The following KAT14 variants were observed in gnomAD, a reference collection of about 807,000 sequenced individuals.
KAT14 encodes the protein lysine acetyltransferase 14.
Under a neutral mutation model 78.4 loss-of-function variants are expected in KAT14, and 66 were observed. The observed-to-expected ratio is 0.84, with a 90% confidence interval of 0.69 to 1.03. The LOEUF is 1.03. Among genes scored for constraint, KAT14 ranks in the 50% least tolerant of loss-of-function variants. KAT14 has a pLI of 0.00. For synonymous variants in KAT14, 344 were observed against 359.4 expected (o/e 0.96, Z 0.48); for missense variants, 870 against 972.5 (o/e 0.89, Z 1.40).
At chr20:18,141,152 TGG>T (rs1317766908) in intron 1 of KAT14, among the ~76,000 whole-genome samples, 1 of 150,954 alleles carries the variant, frequency 6.6e-6, no homozygotes, top group Non-Finnish European at 1.5e-5. Flanking sequence ...ACAGGAGTGC[TGG>T]GATTACAGGA....
chr20:18,167,450 T>C (rs2038680557), intron 7 of KAT14, among the ~76,000 whole-genome samples: 1 of 152,222 alleles, frequency 6.6e-6, no homozygotes, highest in Admixed American at 6.5e-5. Context: ...TAGTATAAAT[T>C]TTAATGTATT....
At chr20:18,183,032 C>G in intron 8 of KAT14, 91 bp from the exon 9 acceptor site, 4 of 1,486,734 alleles carry the variant, frequency 2.7e-6, no homozygotes, top group Non-Finnish European at 3.6e-6. Flanking sequence ...AAGTTTCAAG[C>G]AGATCAAAGA....
rs551960597 is a variant in KAT14, at chr20:18,176,313, A to AC, written c.1669-5397_1669-5396insC. On this transcript the variant is annotated intron_variant, in intron 7 of 10. Coordinates refer to ENST00000688188, the MANE Select transcript of KAT14 (RefSeq NM_001392073.1). ...GAGACTTCGTCTCAAAAAAAAAAAA[A>AC]AAAAAAGTGCCAAGCGCTATTCTAG... 8.1e-3 allele frequency among the ~76,000 whole-genome samples: 1,223 copies of AC among 151,688 alleles called. 15 individuals are homozygous for AC. Among genetic ancestry groups the AC allele is most frequent in the Middle Eastern group, 0.017 (5 of 292 alleles).
At chr20:18,172,187 C>T (rs1198554279) in intron 7 of KAT14, among the ~76,000 whole-genome samples, 2 of 151,646 alleles carry the variant, frequency 1.3e-5, no homozygotes, top group Non-Finnish European at 2.9e-5. Flanking sequence ...CTGCAGCCTC[C>T]ACCTCCTGGG....
intron 1 of KAT14, among the ~76,000 whole-genome samples, chr20:18,141,051 T>TTGTTTTTTTTTTTTTTG (rs58888387): frequency 9.1e-6 from 1 of 109,704 alleles, no homozygotes; most frequent in African/African-American, 3.6e-5. Context: ...TTTTTTATTT[T>TTGTTTTTTTTTTTTTTG]TATTTTTGCT....
chr20:18,145,716 G>A (rs1387755906), intron 3 of KAT14, among the ~76,000 whole-genome samples: 1 of 151,958 alleles, frequency 6.6e-6, no homozygotes, highest in Admixed American at 6.6e-5. Context: ...GGGAGGCGGA[G>A]GCTGCAGTGA....
At position 18,187,541 on chromosome 20, in the gene KAT14, C is replaced by CA; in HGVS notation, c.*83dup. 1 of 1,587,032 alleles carries CA rather than the reference C, an allele frequency of 6.3e-7. No homozygotes were observed. Among genetic ancestry groups the CA allele is most frequent in the Non-Finnish European group, 8.5e-7 (1 of 1,170,110 alleles). On this transcript the variant is annotated 3_prime_UTR_variant, in exon 11 of 11. Transcript: ENST00000688188. ...GATCTAAAGGCAGTGATTGATTTCA[C>CA]AGGGAGCTCTAATCTCTGTGATTAC...
intron 8 of KAT14, among the ~76,000 whole-genome samples, chr20:18,182,908 G>C (rs1483308050): frequency 6.6e-6 from 1 of 152,166 alleles, no homozygotes; most frequent in South Asian, 2.1e-4. Flanking sequence ...CACAGTCCCT[G>C]GTGGGTACAG....
chr20:18,162,613 C>A lies in KAT14; in HGVS notation c.1336C>A (p.Pro446Thr). 4 of 1,614,142 alleles carry A rather than the reference C, an allele frequency of 2.5e-6. No homozygotes were observed. The South Asian group carries it at 4.4e-5, about 18-fold the overall frequency. Reference sequence around the variant, plus strand: ...AACAAGGGCTAGAGAAAAGAGGAAGCCTCAGCTGGAGAAGGACACAAAGCC... The same window carrying A: ...AACAAGGGCTAGAGAAAAGAGGAAGACTCAGCTGGAGAAGGACACAAAGCC... ...LQTRAREKRK[P>T]QLEKDTKPKE... The change falls in exon 7 of 11, where the codon CCT (proline) becomes ACT (threonine). Residue 446 changes from proline to threonine, a missense_variant. Pro to Thr is a conservative substitution (Grantham distance 38). Transcript: ENST00000688188.
intron 1 of KAT14, 106 bp downstream of exon 1, chr20:18,138,157 C>T: frequency 8.2e-6 from 11 of 1,336,710 alleles, no homozygotes; most frequent in Non-Finnish European, 9.6e-6. Flanking sequence ...TCGTGTCTTT[C>T]CCCCGCGGTG....
intron 10 of KAT14, among the ~76,000 whole-genome samples, chr20:18,186,490 G>GGAGT (rs1434768714): frequency 6.6e-6 from 1 of 152,200 alleles, no homozygotes; most frequent in Non-Finnish European, 1.5e-5. Flanking sequence ...TGTCAACAGA[G>GGAGT]GAGTTCTTAG....
At chr20:18,168,972 G>A (rs1322276105) in intron 7 of KAT14, among the ~76,000 whole-genome samples, 3 of 151,944 alleles carry the variant, frequency 2.0e-5, no homozygotes, top group Admixed American at 6.6e-5. Flanking sequence ...GCAGTTCTCG[G>A]ATAGTCTGTT....
At chr20:18,137,349 G>A (rs1237566911), upstream of KAT14, among the ~76,000 whole-genome samples, 1 of 152,164 alleles carries the variant, frequency 6.6e-6, no homozygotes, top group Non-Finnish European at 1.5e-5. Context: ...ACAGCGTCAA[G>A]GTGAAACCAG....
In KAT14 at chr20:18,187,649, C is replaced by G. The variant is rs1350168248; in HGVS notation, c.*190C>G. 1.2e-6 allele frequency: 1 copy of G among 808,420 alleles called. No individual in the cohort carries two copies. Among genetic ancestry groups the G allele is most frequent in the Non-Finnish European group, 1.8e-6 (1 of 547,160 alleles). 50.1% of individuals were successfully genotyped at this position (808,420 alleles called of 1,614,324 possible). A position where few individuals can be genotyped will look rare whatever the true frequency, so the allele number is the denominator to read the frequency against. On this transcript the variant is annotated 3_prime_UTR_variant, in exon 11 of 11. Transcript: ENST00000688188. ...TGAGCAGCCCTTTAGCAAAATCGCC[C>G]TCCAGTCCTTCCTGGAGATGCCTTC... is the stretch of plus-strand genomic sequence containing the variant.
chr20:18,165,421 A>G (rs12106050), intron 7 of KAT14, among the ~76,000 whole-genome samples: 13,933 of 152,104 alleles, frequency 0.092, 699 homozygotes, highest in Middle Eastern at 0.16. Context: ...CCCTTTGCAA[A>G]TATAATTAGC....
At chr20:18,177,137 G>C (rs1382485436) in intron 7 of KAT14, among the ~76,000 whole-genome samples, 1 of 152,112 alleles carries the variant, frequency 6.6e-6, no homozygotes, top group Admixed American at 6.5e-5. Context: ...TCTTTTTTCT[G>C]ATTCTGTGGA....
At chr20:18,145,730 C>G (rs960866054) in intron 3 of KAT14, among the ~76,000 whole-genome samples, 1 of 151,550 alleles carries the variant, frequency 6.6e-6, no homozygotes, top group Non-Finnish European at 1.5e-5. Flanking sequence ...GCAGTGAGCC[C>G]ACACCGTGCC....
intron 1 of KAT14, among the ~76,000 whole-genome samples, chr20:18,141,365 T>A (rs1467424218): frequency 6.6e-6 from 1 of 152,144 alleles, no homozygotes; most frequent in Non-Finnish European, 1.5e-5. Flanking sequence ...GGTAGTAGCA[T>A]CCTTCTTTTT....
At chr20:18,141,930 T>A (rs2037603371) in intron 1 of KAT14, among the ~76,000 whole-genome samples, 1 of 152,188 alleles carries the variant, frequency 6.6e-6, no homozygotes, top group Non-Finnish European at 1.5e-5. Flanking sequence ...CAGTTTTTTT[T>A]TTCTGTTATT....
Sources: allele counts gnomAD v4.1 joint callset (sites outside exome capture counted in the v4.1 genomes callset), GRCh38; gene constraint gnomAD v4.1.1; transcripts MANE v1.5; gene names NCBI Gene and HGNC (gene_info 2026-07-23, HGNC 2026-07-21).